The following MTSS1 variants were observed in gnomAD, a reference collection of about 807,000 sequenced individuals.
The protein encoded by MTSS1 is protein MTSS 1.
MTSS1 carries 18 observed loss-of-function variants against 79.0 expected under a neutral mutation model. The observed-to-expected ratio is 0.23, with a 90% CI of 0.16 to 0.34. MTSS1 has a LOEUF of 0.34. Among genes scored for constraint, MTSS1 ranks in the 10% least tolerant of loss-of-function variants. The pLI, the probability that MTSS1 is intolerant of heterozygous loss-of-function variation, is 1.00. For missense variants in MTSS1, 815 were observed against 986.2 expected, an observed-to-expected ratio of 0.83 and a Z score of 2.33; for synonymous variants, 341 against 368.6, an observed-to-expected ratio of 0.93 and a Z score of 0.86.
In MTSS1 at chr8:124,641,425, G is replaced by A. The variant is rs117330498; in HGVS notation, c.209-50190C>T. On this transcript the variant is annotated intron_variant, in intron 3 of 13. Transcript: ENST00000518547. The stretch of plus-strand genomic sequence containing the variant: ...TTTTCTAGTCCCAGGGTCTCTCTGA[G>A]CCTCAATTCCTTTGTTTGAAACGTA... Among the ~76,000 whole-genome samples, 60 of 152,324 alleles carry A rather than the reference G, an allele frequency of 3.9e-4. No homozygotes were observed. The East Asian group carries it at 0.01, about 26-fold the overall frequency.
chr8:124,644,605 G>C (rs994565995), intron 3 of MTSS1, among the ~76,000 whole-genome samples: 9 of 152,180 alleles, frequency 5.9e-5, no homozygotes, highest in Non-Finnish European at 1.0e-4. Context: ...AATAGTACTG[G>C]TGTCTAAATA....
chr8:124,627,893 G>A (rs569258537), intron 3 of MTSS1, among the ~76,000 whole-genome samples: 12 of 152,292 alleles, frequency 7.9e-5, no homozygotes, highest in South Asian at 4.1e-4. Flanking sequence ...GTGACTGGTC[G>A]CGGTGGCTCA....
chr8:124,553,154 G>C lies in MTSS1; in HGVS notation c.2106C>G (p.Pro702=), dbSNP rs772970278. 3.1e-6 allele frequency: 5 copies of C among 1,614,116 alleles called. No homozygotes were observed. The South Asian group carries it at 4.4e-5, about 14-fold the overall frequency. ...GGCCTGGGGAGACAGTGGCACTTGG[G>C]GGTTCCCGTTCCTGGTCTTCAGCTT... ...ESEAEDQERE[P]PSATVSPGQI... The change falls in exon 14 of 14, where the codon CCC becomes CCG. Residue 702 remains proline (P), a synonymous_variant. Coordinates refer to ENST00000518547, the MANE Select transcript of MTSS1 (RefSeq NM_014751.6). The surrounding 1 kb of genome is among the most constrained non-coding windows in gnomAD (Gnocchi z 6.0).
intron 3 of MTSS1, among the ~76,000 whole-genome samples, chr8:124,605,612 C>T (rs1190880222): frequency 7.1e-6 from 1 of 139,876 alleles, no homozygotes; most frequent in Non-Finnish European, 1.5e-5. Context: ...CCTGCCCTCG[C>T]GCTGCCTCCC....
intron 3 of MTSS1, among the ~76,000 whole-genome samples, chr8:124,621,583 C>T (rs540736420): frequency 5.3e-5 from 8 of 152,244 alleles, no homozygotes; most frequent in African/African-American, 1.4e-4. Flanking sequence ...CTCGCCCTGT[C>T]GCCCAGGCTA....
intron 3 of MTSS1, among the ~76,000 whole-genome samples, chr8:124,645,095 C>T (rs1267623603): frequency 2.0e-5 from 3 of 152,132 alleles, no homozygotes; most frequent in Admixed American, 2.0e-4. Flanking sequence ...CAGCCAGGTG[C>T]AGTGGCTCAC....
At chr8:124,616,108 A>G (rs1265458589) in intron 3 of MTSS1, among the ~76,000 whole-genome samples, 1 of 152,230 alleles carries the variant, frequency 6.6e-6, no homozygotes, top group Non-Finnish European at 1.5e-5. Flanking sequence ...CATGATGCCA[A>G]ATTCAGGGCA....
chr8:124,658,346 A>G (rs796950896), intron 3 of MTSS1, among the ~76,000 whole-genome samples: 14 of 152,140 alleles, frequency 9.2e-5, no homozygotes, highest in African/African-American at 3.4e-4. Flanking sequence ...CTTGGCTCTC[A>G]TTCTCTCTTG....
intron 3 of MTSS1, among the ~76,000 whole-genome samples, chr8:124,622,485 GAAAAA>G (rs74650146): frequency 2.0e-5 from 2 of 99,502 alleles, no homozygotes; most frequent in South Asian, 3.4e-4. Context: ...TTGCCATATT[GAAAAA>G]AAAAAAAAAA....
intron 3 of MTSS1, among the ~76,000 whole-genome samples, chr8:124,643,528 T>A (rs1240349190): frequency 1.3e-5 from 2 of 151,826 alleles, no homozygotes; most frequent in East Asian, 3.9e-4. Flanking sequence ...AGAAACCCCA[T>A]CTCTACCAAA....
intron 6 of MTSS1, chr8:124,580,626 A>G (rs1176104721): frequency 2.6e-6 from 4 of 1,514,650 alleles, no homozygotes; most frequent in Non-Finnish European, 3.5e-6. Flanking sequence ...GGAAAATAAT[A>G]AAGTCAAACT....
At chr8:124,612,064 G>C (rs1272454491) in intron 3 of MTSS1, among the ~76,000 whole-genome samples, 1 of 151,594 alleles carries the variant, frequency 6.6e-6, no homozygotes, top group Non-Finnish European at 1.5e-5. Flanking sequence ...TAATCTTAAT[G>C]GTACTTAATT....
chr8:124,553,422 G>A lies in MTSS1; in HGVS notation c.1838C>T (p.Thr613Ile), dbSNP rs761700238. The A allele has an allele frequency of 1.9e-6, 3 of 1,607,248 alleles. No individual in the cohort carries two copies. The highest frequency in any genetic ancestry group is 1.7e-5 in the Admixed American group (1 of 59,768). The part of the protein sequence containing the change: ...TIGAGPIPIK[T>I]PVIPVKTPTV... ...TGGGGTCTTGACAGGGATCACGGGT[G>A]TCTTGATGGGGATGGGACCAGCTCC... Residue 613 changes from threonine to isoleucine, a missense_variant, in exon 14 of 14, where the codon ACA becomes ATA. Physicochemically the swap from Thr to Ile is moderately conservative, Grantham distance 89 (BLOSUM62 -1). This residue lies in a region of MTSS1 where 590 missense variants were observed against 620.8 expected (regional missense o/e 0.95). Transcript: ENST00000518547. The surrounding 1 kb of genome is among the most constrained non-coding windows in gnomAD (Gnocchi z 6.0).
chr8:124,725,136 C>G (rs1352437495), intron 1 of MTSS1, among the ~76,000 whole-genome samples: 1 of 152,200 alleles, frequency 6.6e-6, no homozygotes, highest in Non-Finnish European at 1.5e-5. Flanking sequence ...CTAGCTGCTG[C>G]TTGCTTTACA....
At position 124,557,815 on chromosome 8, in the gene MTSS1, C is replaced by T. The variant is rs561296034; in HGVS notation, c.1096G>A (p.Ala366Thr). The T allele has an allele frequency of 1.2e-6, 2 of 1,604,420 alleles. No homozygotes were observed. Among genetic ancestry groups the T allele is most frequent in the African/African-American group, 1.3e-5 (1 of 74,692 alleles). The change falls in exon 11 of 14, where the codon GCA (alanine) becomes ACA (threonine). Residue 366 changes from alanine (A) to threonine (T), a missense_variant. Coordinates refer to ENST00000518547, the MANE Select transcript of MTSS1 (RefSeq NM_014751.6). ...SSESHVGPTG[A>T]GLFPHCLPAS... is the part of the protein sequence containing the mutation. ...GGCAGGCAATGAGGGAAAAGGCCTG[C>T]ACCCGTGGGCCCCACGTGGGACTCA...
intron 3 of MTSS1, among the ~76,000 whole-genome samples, chr8:124,669,449 T>C (rs1823722111): frequency 6.6e-6 from 1 of 152,250 alleles, no homozygotes; most frequent in Non-Finnish European, 1.5e-5. Context: ...ACACTTTTAA[T>C]GATTGACATC....
intron 3 of MTSS1, among the ~76,000 whole-genome samples, chr8:124,692,627 T>C (rs1313218415): frequency 6.6e-6 from 1 of 152,028 alleles, no homozygotes; most frequent in Non-Finnish European, 1.5e-5. Flanking sequence ...CTCCACTCCA[T>C]CCATGAAGCA....
At position 124,555,738 on chromosome 8, in the gene MTSS1, G is replaced by C. The variant is rs375368093; in HGVS notation, c.1567+4C>G. 2 of 1,604,718 alleles carry C rather than the reference G, an allele frequency of 1.2e-6. No individual in the cohort carries two copies. Among genetic ancestry groups the C allele is most frequent in the South Asian group, 2.2e-5 (2 of 89,072 alleles). ...CTAAGTGCACACCCCAGGCTGCCTC[G>C]TACCTTGGGAAGGGATGGTGTCCTC... is the stretch of plus-strand genomic sequence containing the variant. On this transcript the variant is annotated splice_donor_region_variant and intron_variant, in intron 13 of 13. Transcript: ENST00000518547.
chr8:124,622,080 GA>G (rs1813654241), intron 3 of MTSS1, among the ~76,000 whole-genome samples: 2 of 151,692 alleles, frequency 1.3e-5, no homozygotes, highest in Non-Finnish European at 2.9e-5. Context: ...GAGAGAGAGA[GA>G]GAGAGAGAGA....
Sources: gnomAD v4.1 joint callset for allele counts (sites outside exome capture counted in the v4.1 genomes callset) on GRCh38, gnomAD v4.1.1 for gene constraint, gnomAD v4.1.1 regional missense constraint, Gnocchi (gnomAD v3.1) non-coding constraint, MANE v1.5 for transcripts, NCBI Gene and HGNC (gene_info 2026-07-23, HGNC 2026-07-21) for gene names.